Variants in SNX24 observed in about 807,000 individuals in gnomAD.
The protein encoded by SNX24 is sorting nexin 24.
SNX24 carries 22 observed loss-of-function variants against 28.7 expected under a neutral mutation model. The observed-to-expected ratio is 0.77, with a 90% CI of 0.55 to 1.10. SNX24 has a LOEUF of 1.10. Among genes scored for constraint, SNX24 ranks in the 50% least tolerant of loss-of-function variants. The pLI, the probability that SNX24 is intolerant of heterozygous loss-of-function variation, is 0.00. For missense variants in SNX24, 221 were observed against 201.1 expected (o/e 1.10, Z -0.60); for synonymous variants, 69 against 71.5 (o/e 0.96, Z 0.18).
intron 1 of SNX24, among the ~76,000 whole-genome samples, chr5:122,889,793 A>G (rs1259374732): frequency 1.3e-5 from 2 of 150,004 alleles, no homozygotes; most frequent in Non-Finnish European, 3.0e-5. Flanking sequence ...ATTATTCCTA[A>G]GGACAAAAAA....
intron 3 of SNX24, among the ~76,000 whole-genome samples, chr5:122,980,670 C>G (rs34233716): frequency 0.22 from 33,444 of 149,946 alleles, 4,757 homozygotes; most frequent in Non-Finnish European, 0.33. Context: ...CTGGTGTGCT[C>G]AGTCGGGTGT....
chr5:122,946,343 A>T lies in SNX24; in HGVS notation c.249+184A>T, dbSNP rs541182814. Among the ~76,000 whole-genome samples, 9 of 152,340 alleles carry T rather than the reference A, an allele frequency of 5.9e-5. No homozygotes were observed. In the East Asian group the frequency reaches 1.3e-3, roughly 23 times the overall value. On this transcript the variant is annotated intron_variant, in intron 3 of 6. Transcript: ENST00000261369. ...TGTAACTTTAATTAGGGTTCTATTT[A>T]AAATTGGTTCTATGTATTGGGGAAG...
chr5:122,963,514 A>G (rs956084665), intron 3 of SNX24, among the ~76,000 whole-genome samples: 2 of 152,240 alleles, frequency 1.3e-5, no homozygotes, highest in Non-Finnish European at 2.9e-5. Flanking sequence ...CTGAGTTGGC[A>G]TTATATTTCT....
intron 2 of SNX24, among the ~76,000 whole-genome samples, chr5:122,942,807 C>T (rs1263778463): frequency 1.3e-5 from 2 of 152,120 alleles, no homozygotes; most frequent in African/African-American, 2.4e-5. Context: ...CATATTGTCT[C>T]GGGTTTGTCT....
intron 1 of SNX24, among the ~76,000 whole-genome samples, chr5:122,893,550 A>T (rs1282747374): frequency 6.6e-6 from 1 of 152,226 alleles, no homozygotes; most frequent in Admixed American, 6.5e-5. Flanking sequence ...TTATATATGT[A>T]AAGTGTGAGC....
chr5:122,955,399 A>G (rs937604535), intron 3 of SNX24, among the ~76,000 whole-genome samples: 2 of 152,180 alleles, frequency 1.3e-5, no homozygotes, highest in African/African-American at 4.8e-5. Context: ...GAATCTATTG[A>G]TTAGCTTTTT....
chr5:122,896,443 T>C (rs933105512), intron 1 of SNX24, among the ~76,000 whole-genome samples: 1 of 152,244 alleles, frequency 6.6e-6, no homozygotes, highest in East Asian at 1.9e-4. Context: ...TGGCTGGACT[T>C]AGCTGCAGCT....
chr5:122,983,874 T>G (rs1761489240), intron 3 of SNX24, among the ~76,000 whole-genome samples: 1 of 152,064 alleles, frequency 6.6e-6, no homozygotes. Context: ...ATATTTAGAG[T>G]GAAGTTGGTA....
rs1203968940 is a variant in SNX24, at chr5:123,008,980, C to G, written c.*1231C>G. On this transcript the variant is annotated 3_prime_UTR_variant, in exon 7 of 7. Transcript: ENST00000261369. The stretch of plus-strand genomic sequence containing the variant: ...GGGAGCAAGGTATTTAAAATCAAAA[C>G]TAATAACTACATCATGGTTTTTGAT... The G allele has an allele frequency of 1.0e-6, 1 of 985,574 alleles. No homozygotes were observed. The highest frequency in any genetic ancestry group is 6.1e-5 in the Admixed American group (1 of 16,262). 61.1% of individuals were successfully genotyped at this position (985,574 alleles called of 1,614,324 possible).
chr5:122,961,239 C>T (rs10079791), intron 3 of SNX24, among the ~76,000 whole-genome samples: 54,616 of 152,026 alleles, frequency 0.36, 10,498 homozygotes, highest in African/African-American at 0.47. Flanking sequence ...CTAACCCTGA[C>T]AACTCAGGGT....
chr5:122,965,523 T>C (rs1760682050), intron 3 of SNX24: 1 of 450,318 alleles, frequency 2.2e-6, no homozygotes, highest in African/African-American at 2.0e-5. Flanking sequence ...TGTGTAAAGG[T>C]AGGTGCAAAA....
chr5:122,929,425 TATAGCTCCA>T (rs1312383119), intron 1 of SNX24, among the ~76,000 whole-genome samples: 2 of 151,014 alleles, frequency 1.3e-5, no homozygotes, highest in African/African-American at 4.9e-5. Flanking sequence ...TTATATTGAG[TATAGCTCCA>T]ATAGCCTTTT....
chr5:122,956,395 CACACACACACAT>C (rs1157399486), intron 3 of SNX24, among the ~76,000 whole-genome samples: 14 of 119,922 alleles, frequency 1.2e-4, no homozygotes, highest in East Asian at 4.5e-4. Flanking sequence ...CACACACACA[CACACACACACAT>C]ACACAGCCAC....
chr5:123,017,648 G>T (rs1172541420), intron 5 of SNX24, among the ~76,000 whole-genome samples: 1 of 152,062 alleles, frequency 6.6e-6, no homozygotes, highest in African/African-American at 2.4e-5. Flanking sequence ...TTGTGGGAGG[G>T]ACCCGGTGGG....
At chr5:122,913,616 C>T (rs1340972170) in intron 1 of SNX24, among the ~76,000 whole-genome samples, 1 of 152,194 alleles carries the variant, frequency 6.6e-6, no homozygotes, top group South Asian at 2.1e-4. Flanking sequence ...GGTCTCCTCA[C>T]TTCTCAGACG....
chr5:122,981,004 A>G (rs1241465761), intron 3 of SNX24, among the ~76,000 whole-genome samples: 2 of 152,032 alleles, frequency 1.3e-5, no homozygotes, highest in African/African-American at 2.4e-5. Context: ...AGTGCAGATG[A>G]TATCGTGGGG....
At chr5:122,993,702 C>T (rs1291338084) in intron 3 of SNX24, among the ~76,000 whole-genome samples, 1 of 152,172 alleles carries the variant, frequency 6.6e-6, no homozygotes, top group African/African-American at 2.4e-5. Flanking sequence ...AGACTGAGGA[C>T]TACAAAGCCT....
intron 2 of SNX24, among the ~76,000 whole-genome samples, chr5:122,939,629 G>A (rs1408685930): frequency 3.3e-5 from 5 of 152,074 alleles, no homozygotes; most frequent in Non-Finnish European, 5.9e-5. Flanking sequence ...GCTATGATGA[G>A]TATTTGATTC....
chr5:122,890,356 G>T (rs1756915233), intron 1 of SNX24, among the ~76,000 whole-genome samples: 1 of 151,894 alleles, frequency 6.6e-6, no homozygotes, highest in Non-Finnish European at 1.5e-5. Context: ...TTCTGTCCTG[G>T]TTCAGCAGAC....
Sources: gnomAD v4.1 joint callset for allele counts (sites outside exome capture counted in the v4.1 genomes callset) on GRCh38, gnomAD v4.1.1 for gene constraint, MANE v1.5 for transcripts, NCBI Gene and HGNC (gene_info 2026-07-23, HGNC 2026-07-21) for gene names.